Variants in TASOR2 observed in about 807,000 individuals in gnomAD.
TASOR2 encodes the protein protein TASOR 2.
Under a neutral mutation model 199.5 loss-of-function variants are expected in TASOR2, and 84 were observed. The ratio of observed to expected loss-of-function variants is 0.42; its 90% CI spans 0.35 to 0.50. The LOEUF (loss-of-function observed/expected upper bound fraction) is 0.50. Ranked by LOEUF, TASOR2 falls within the 20% of genes least tolerant of loss-of-function variation. The pLI, the probability that TASOR2 is intolerant of heterozygous loss-of-function variation, is 0.02. For synonymous variants in TASOR2, 1,103 were observed against 1,046.6 expected (o/e 1.05, Z -1.04); for missense variants, 2,796 against 2,835.9 (o/e 0.99, Z 0.32).
exon 8 of TASOR2, chr10:5,724,468 G>A (rs778947171): frequency 2.6e-6 from 4 of 1,540,778 alleles, no homozygotes; most frequent in Non-Finnish European, 3.5e-6. Context: ...GTATGAGGTA[G>A]AACTGTCAAA....
At chr10:5,745,431 G>A (rs142602399) in intron 14 of TASOR2, among the ~76,000 whole-genome samples, 63 of 152,236 alleles carry the variant, frequency 4.1e-4, no homozygotes, top group African/African-American at 1.3e-3. Flanking sequence ...TCAGATGATG[G>A]TGTACTTATG....
intron 1 of TASOR2, among the ~76,000 whole-genome samples, chr10:5,704,818 G>A (rs1838367021): frequency 6.6e-6 from 1 of 152,116 alleles, no homozygotes; most frequent in Non-Finnish European, 1.5e-5. Flanking sequence ...CCATTTATAT[G>A]TAGGATTTTT....
intron 2 of TASOR2, among the ~76,000 whole-genome samples, chr10:5,716,642 C>T (rs562187498): frequency 3.1e-4 from 47 of 152,000 alleles, no homozygotes; most frequent in East Asian, 1.7e-3. Context: ...TGGCTGGGTA[C>T]GGTGGCTCAT....
chr10:5,685,340 C>T lies in TASOR2; in HGVS notation c.-288+165C>T, dbSNP rs1835689680. On this transcript the variant is annotated intron_variant, in intron 1 of 20. Transcript: ENST00000328090. The surrounding 1 kb of genome is among the most constrained non-coding windows in gnomAD (Gnocchi z 5.4). ...AGGGGGTGGGAGGGGTCGGCGCCTT[C>T]TAGATGACTCAACCTTCTGTCCTGC... Among the ~76,000 whole-genome samples, 1 of 152,014 alleles carries T rather than the reference C, an allele frequency of 6.6e-6. No homozygotes were observed. The highest frequency in any genetic ancestry group is 1.5e-5 in the Non-Finnish European group (1 of 67,980).
intron 2 of TASOR2, 55 bp downstream of exon 3, chr10:5,714,262 A>G (rs537539145): frequency 1.8e-6 from 2 of 1,094,976 alleles, no homozygotes; most frequent in Non-Finnish European, 2.3e-6. Context: ...TACAAGATGA[A>G]GTGAGGTTTC....
In TASOR2 at chr10:5,730,548, C is replaced by G. The variant is rs1834671775; in HGVS notation, c.549C>G (p.Thr183=). 6.2e-7 allele frequency: 1 copy of G among 1,613,720 alleles called. No homozygotes were observed. Among genetic ancestry groups the G allele is most frequent in the Non-Finnish European group, 8.5e-7 (1 of 1,179,898 alleles). ...TGAAGGTGATACCTATTTTATCTAC[C>G]CTTAATTGTGCCCTGCTAGAAACAA... The change falls in exon 11 of 21, where the codon ACC becomes ACG. Residue 183 remains threonine (T), a synonymous_variant. Transcript: ENST00000328090. This position sits in a 1 kb window ranked among gnomAD's most constrained non-coding sequence, Gnocchi z 4.1.
intron 11 of TASOR2, 32 bp downstream of exon 12, chr10:5,731,235 A>G: frequency 6.3e-7 from 1 of 1,578,302 alleles, no homozygotes. Context: ...GGGTTATTAT[A>G]ATAATAGTTG....
chr10:5,748,199 C>G lies in TASOR2; in HGVS notation c.4778C>G (p.Ser1593Cys). ...AAGTCTTTGTCTGACACATTGGTTT[C>G]CACAACTGCACCAAGTGGTATAGTG... Residue 1593 changes from serine (S) to cysteine (C), a missense_variant, in exon 15 of 21, where the codon TCC becomes TGC. Ser to Cys is a moderately radical substitution (Grantham distance 112, BLOSUM62 -1). Transcript: ENST00000328090. This position sits in a 1 kb window ranked among gnomAD's most constrained non-coding sequence, Gnocchi z 5.1. The G allele has an allele frequency of 6.2e-7, 1 of 1,614,202 alleles. No homozygotes were observed. The highest frequency in any genetic ancestry group is 8.5e-7 in the Non-Finnish European group (1 of 1,180,034).
In TASOR2 at chr10:5,739,686, A is replaced by G. The variant is rs542862301; in HGVS notation, c.1516A>G (p.Ile506Val). 21 of 1,614,134 alleles carry G rather than the reference A, an allele frequency of 1.3e-5. No homozygotes were observed. In the African/African-American group the frequency reaches 1.6e-4, roughly 12 times the overall value. ...AGGTTGTCAAGAAGATGGGATTAGC[A>G]TAAATAGTGTTCAACCAGAAAATAC... is the stretch of plus-strand genomic sequence containing the variant. The change falls in exon 13 of 21, where the codon ATA becomes GTA. Residue 506 changes from isoleucine to valine, a missense_variant. By Grantham distance (29) the Ile-to-Val change is conservative. Around this residue, in one of 3 missense-constraint regions of TASOR2, gnomAD observed 847 missense variants for 887.4 expected, o/e 0.95. Transcript: ENST00000328090.
chr10:5,719,936 G>A lies in TASOR2; in HGVS notation c.-99-608G>A, dbSNP rs1052496382. Among the ~76,000 whole-genome samples the A allele has an allele frequency of 5.3e-5, 8 of 152,120 alleles. No individual in the cohort carries two copies. Among genetic ancestry groups the A allele is most frequent in the Non-Finnish European group, 1.0e-4 (7 of 68,024 alleles). On this transcript the variant is annotated intron_variant, in intron 3 of 20. Coordinates refer to ENST00000328090, the Ensembl canonical transcript of TASOR2. This position sits in a 1 kb window ranked among gnomAD's most constrained non-coding sequence, Gnocchi z 4.1. ...CAGTGACCGTAACATAAAAGATGGT[G>A]GGCTATAGTTTTTCTTTTAAGGAAA...
At chr10:5,718,430 T>C (rs1311210552) in intron 3 of TASOR2, among the ~76,000 whole-genome samples, 1 of 149,068 alleles carries the variant, frequency 6.7e-6, no homozygotes, top group Non-Finnish European at 1.5e-5. Context: ...GAATTCTTAA[T>C]ATTGTAAAGT....
chr10:5,695,520 A>T (rs1837045883), intron 1 of TASOR2, among the ~76,000 whole-genome samples: 1 of 152,188 alleles, frequency 6.6e-6, no homozygotes, highest in Admixed American at 6.5e-5. Flanking sequence ...CACAAAATAT[A>T]AAATAATGGC....
At position 5,699,247 on chromosome 10, in the gene TASOR2, G is replaced by T. The variant is rs1254471487; in HGVS notation, c.-287-13576G>T. ...GAAGGACCGCGTGCTGTATGACTCT[G>T]TTTATAGGAAATGGTCTGGAATAGG... On this transcript the variant is annotated intron_variant, in intron 1 of 20. Coordinates refer to ENST00000328090, the Ensembl canonical transcript of TASOR2. This position sits in a 1 kb window ranked among gnomAD's most constrained non-coding sequence, Gnocchi z 4.1. Among the ~76,000 whole-genome samples the T allele has an allele frequency of 6.6e-6, 1 of 152,122 alleles. No individual in the cohort carries two copies. Among genetic ancestry groups the T allele is most frequent in the Non-Finnish European group, 1.5e-5 (1 of 67,994 alleles).
rs931582698 is a variant in TASOR2, at chr10:5,719,879, C to T, written c.-99-665C>T. On this transcript the variant is annotated intron_variant, in intron 3 of 20. Transcript: ENST00000328090. This position sits in a 1 kb window ranked among gnomAD's most constrained non-coding sequence, Gnocchi z 4.1. ...ATCTTTTGAAATTTTAGATTTTGTC[C>T]TCTTTTACATTACAGTCACCAAAGA... is the stretch of plus-strand genomic sequence containing the variant. 1.3e-5 allele frequency among the ~76,000 whole-genome samples: 2 copies of T among 152,074 alleles called. No homozygotes were observed. Among genetic ancestry groups the T allele is most frequent in the African/African-American group, 4.8e-5 (2 of 41,402 alleles).
chr10:5,763,128 G>GTCTT (rs1840145295), exon 21 of TASOR2: 1 of 1,118,902 alleles, frequency 8.9e-7, no homozygotes, highest in Non-Finnish European at 1.3e-6. Flanking sequence ...CATGTGAACA[G>GTCTT]TCTTACATTT....
intron 2 of TASOR2, chr10:5,714,141 T>C: frequency 8.1e-7 from 1 of 1,231,562 alleles, no homozygotes; most frequent in Non-Finnish European, 1.0e-6. Flanking sequence ...AAAGGCAAAA[T>C]TGGTATGTCA....
chr10:5,741,621 C>A, intron 13 of TASOR2, among the ~76,000 whole-genome samples: 1 of 152,304 alleles, frequency 6.6e-6, no homozygotes, highest in South Asian at 2.1e-4. Flanking sequence ...TAGTATAGTT[C>A]TGTTGAATTG....
Position 5,714,122 on chromosome 10 carries a change from C to G in TASOR2, c.-192+1204C>G. The G allele has an allele frequency of 8.2e-7, 1 of 1,226,716 alleles. No homozygotes were observed. Among genetic ancestry groups the G allele is most frequent in the Non-Finnish European group, 1.0e-6 (1 of 983,858 alleles). 76.0% of individuals were successfully genotyped at this position (1,226,716 alleles called of 1,614,324 possible). On this transcript the variant is annotated intron_variant, in intron 2 of 20. Transcript: ENST00000328090. ...GCTTCAAAGACTGAAGCAAAGTAAT[C>G]TTTTGTTTAAAGGCAAAATTGGTAT...
At chr10:5,749,638 TGTA>T (rs1837737183) in exon 15 of TASOR2, 2 of 1,614,016 alleles carry the variant, frequency 1.2e-6, no homozygotes, top group Admixed American at 1.7e-5. Flanking sequence ...GAGAGAGAGA[TGTA>T]GTCATAATAG....
Sources: allele counts gnomAD v4.1 joint callset (sites outside exome capture counted in the v4.1 genomes callset), GRCh38; gene constraint gnomAD v4.1.1; regional missense constraint gnomAD v4.1.1; non-coding constraint Gnocchi (gnomAD v3.1); transcripts MANE v1.5; gene names NCBI Gene and HGNC (gene_info 2026-07-23, HGNC 2026-07-21).